KIF21A: variants seen among roughly 807,000 people sequenced by gnomAD.
The protein encoded by KIF21A is kinesin-like protein KIF21A.
In KIF21A, 114 loss-of-function variants were observed where a neutral mutation model predicts 202.9. The observed-to-expected ratio is 0.56, with a 90% confidence interval of 0.48 to 0.66. The LOEUF is 0.66. Ranked by LOEUF, KIF21A falls within the 30% of genes least tolerant of loss-of-function variation. The probability of loss-of-function intolerance (pLI) is 0.00; values close to 1 mark genes in which losing one functional copy is unlikely to be tolerated. For synonymous variants in KIF21A, 667 were observed against 670.8 expected, an observed-to-expected ratio of 0.99 and a Z score of 0.09; for missense variants, 1,677 against 1,994.9, an observed-to-expected ratio of 0.84 and a Z score of 3.04.
rs936798213 is a variant in KIF21A at position 39,306,923 on chromosome 12, A to C, written c.4442+642T>G. ...GTTGAATAAATATTTGTTAACTAAT[A>C]AGTGAATGTTTCCTTGCTGCCAAAA... On this transcript the variant is annotated intron_variant, in intron 34 of 37. Transcript: ENST00000361418. 3.4e-4 allele frequency among the ~76,000 whole-genome samples: 52 copies of C among 152,240 alleles called. 1 individual carries two copies. The highest frequency in any genetic ancestry group is 2.4e-3 in the Admixed American group (36 of 15,284).
At chr12:39,402,677 C>T (rs1592567902) in intron 1 of KIF21A, among the ~76,000 whole-genome samples, 1 of 152,172 alleles carries the variant, frequency 6.6e-6, no homozygotes, top group South Asian at 2.1e-4. Flanking sequence ...AGGCTGCATG[C>T]GGCCCAGGAT....
intron 1 of KIF21A, among the ~76,000 whole-genome samples, chr12:39,409,524 GAA>G (rs766308414): frequency 3.3e-4 from 29 of 87,952 alleles, no homozygotes; most frequent in African/African-American, 8.0e-4. Flanking sequence ...CCATGTCTCA[GAA>G]AAAAAAAAAA....
At chr12:39,357,840 C>T (rs1340239294) in intron 8 of KIF21A, among the ~76,000 whole-genome samples, 1 of 131,582 alleles carries the variant, frequency 7.6e-6, no homozygotes, top group African/African-American at 2.9e-5. Flanking sequence ...ACCCGGGAGG[C>T]GGAAGTTGCA....
intron 25 of KIF21A, 47 bp downstream of exon 25, chr12:39,326,217 A>G: frequency 7.5e-7 from 1 of 1,341,694 alleles, no homozygotes; most frequent in Admixed American, 1.7e-5. Flanking sequence ...GAAAGTATTT[A>G]AAATATGTAA....
intron 32 of KIF21A, among the ~76,000 whole-genome samples, chr12:39,310,609 T>G (rs1943933742): frequency 6.6e-6 from 1 of 152,044 alleles, no homozygotes; most frequent in Non-Finnish European, 1.5e-5. Flanking sequence ...TGCTCCACTT[T>G]TATCTTCATG....
At chr12:39,315,759 G>A (rs538542846) in intron 30 of KIF21A, 173 bp downstream of exon 30, 8 of 698,216 alleles carry the variant, frequency 1.1e-5, no homozygotes, top group Middle Eastern at 4.9e-4. Context: ...TTATCTAAAA[G>A]GTATGACCAC....
chr12:39,337,857 C>T (rs1449373060), intron 16 of KIF21A, among the ~76,000 whole-genome samples: 3 of 152,120 alleles, frequency 2.0e-5, no homozygotes. Context: ...CACCCGTTTG[C>T]AGTAGTGCTG....
intron 1 of KIF21A, among the ~76,000 whole-genome samples, chr12:39,419,888 G>C (rs982026281): frequency 6.6e-6 from 1 of 152,132 alleles, no homozygotes; most frequent in African/African-American, 2.4e-5. Context: ...CCATTCGGCA[G>C]AACTCAAGCA....
At chr12:39,366,570 C>G in intron 5 of KIF21A, 53 bp from the exon 6 acceptor site, 1 of 1,309,124 alleles carries the variant, frequency 7.6e-7, no homozygotes, top group South Asian at 1.3e-5. Context: ...CATTAAATAT[C>G]CTCCTAACCT....
chr12:39,327,095 T>A (rs1946022113), intron 24 of KIF21A, among the ~76,000 whole-genome samples: 1 of 152,222 alleles, frequency 6.6e-6, no homozygotes, highest in Non-Finnish European at 1.5e-5. Context: ...TAGGTTTTTT[T>A]AATGTATATT....
At chr12:39,318,589 T>C (rs1944839781) in intron 28 of KIF21A, among the ~76,000 whole-genome samples, 1 of 152,186 alleles carries the variant, frequency 6.6e-6, no homozygotes, top group East Asian at 1.9e-4. Flanking sequence ...TTTAAATCAT[T>C]TATGTGCTCC....
Position 39,333,319 on chromosome 12 carries a change from A to G in KIF21A, c.2419-39T>C, listed in dbSNP as rs1353985901. On this transcript the variant is annotated intron_variant, in intron 17 of 37. Coordinates refer to ENST00000361418, the MANE Select transcript of KIF21A (RefSeq NM_001173464.2). ...TTAAATAAGTGGAAATAGTAAAGTG[A>G]AAGATACAATATTTCCTATTCCTAT... 3 of 1,341,050 alleles carry G rather than the reference A, an allele frequency of 2.2e-6. No individual in the cohort carries two copies. In the African/African-American group the frequency reaches 4.3e-5, roughly 19 times the overall value. The allele number at this position is 1,341,050 out of a possible 1,614,324, so 83.1% of individuals were successfully genotyped here. A position where few individuals can be genotyped will look rare whatever the true frequency, so the allele number is the denominator to read the frequency against.
chr12:39,384,147 G>T (rs959706978), intron 1 of KIF21A, among the ~76,000 whole-genome samples: 1 of 152,092 alleles, frequency 6.6e-6, no homozygotes, highest in African/African-American at 2.4e-5. Flanking sequence ...GATTTTTGAG[G>T]AAAAGGAAAT....
intron 11 of KIF21A, among the ~76,000 whole-genome samples, chr12:39,347,232 G>T (rs183114860): frequency 1.3e-5 from 2 of 150,300 alleles, no homozygotes; most frequent in East Asian, 3.9e-4. Flanking sequence ...TAAAGCAACA[G>T]TGGCAAAAAA....
chr12:39,374,861 T>C (rs186116678), intron 1 of KIF21A, among the ~76,000 whole-genome samples: 1 of 152,274 alleles, frequency 6.6e-6, no homozygotes, highest in East Asian at 1.9e-4. Flanking sequence ...AAACCAAAGT[T>C]TCCCTATGCT....
intron 1 of KIF21A, among the ~76,000 whole-genome samples, chr12:39,416,859 A>G (rs966674488): frequency 6.8e-5 from 10 of 146,626 alleles, no homozygotes; most frequent in East Asian, 4.0e-4. Context: ...GTACATATAT[A>G]TGTGTATATA....
chr12:39,308,766 T>C (rs954656821), intron 33 of KIF21A, among the ~76,000 whole-genome samples: 3 of 152,168 alleles, frequency 2.0e-5, no homozygotes, highest in Admixed American at 2.0e-4. Context: ...TAACATAAGA[T>C]ATATTATATC....
At chr12:39,310,633 T>C (rs559703353) in intron 32 of KIF21A, among the ~76,000 whole-genome samples, 5 of 152,174 alleles carry the variant, frequency 3.3e-5, no homozygotes, top group South Asian at 2.1e-4. Flanking sequence ...CTGCTTATGT[T>C]ATTCTGTAAT....
intron 1 of KIF21A, among the ~76,000 whole-genome samples, chr12:39,390,511 A>C (rs534461401): frequency 2.6e-5 from 4 of 152,290 alleles, no homozygotes; most frequent in Non-Finnish European, 5.9e-5. Context: ...GAAAAAAATT[A>C]AAAACAATGA....
Sources: allele counts gnomAD v4.1 joint callset (sites outside exome capture counted in the v4.1 genomes callset), GRCh38; gene constraint gnomAD v4.1.1; transcripts MANE v1.5; gene names NCBI Gene and HGNC (gene_info 2026-07-23, HGNC 2026-07-21).